Variants in ROBO2 observed in about 807,000 individuals in gnomAD.
ROBO2 encodes the protein roundabout guidance receptor 2, also known as roundabout homolog 2.
ROBO2 carries 53 observed loss-of-function variants against 160.8 expected under a neutral mutation model. That is an observed-to-expected ratio of 0.33 (90% CI 0.26 to 0.41). The LOEUF is 0.41. ROBO2 is among the 10% of genes least tolerant of loss of function. The pLI, the probability that ROBO2 is intolerant of heterozygous loss-of-function variation, is 1.00. For synonymous variants in ROBO2, 664 were observed against 611.7 expected, an observed-to-expected ratio of 1.09 and a Z score of -1.26; for missense variants, 1,577 against 1,722.4, an observed-to-expected ratio of 0.92 and a Z score of 1.49.
At chr3:76,927,571 A>G (rs932753033) in intron 2 of ROBO2, among the ~76,000 whole-genome samples, 2 of 152,202 alleles carry the variant, frequency 1.3e-5, no homozygotes, top group African/African-American at 4.8e-5. Flanking sequence ...GGAAAGAAAT[A>G]CCATTTTATA....
chr3:76,370,230 A>G (rs2076038105), intron 2 of ROBO2, among the ~76,000 whole-genome samples: 1 of 151,864 alleles, frequency 6.6e-6, no homozygotes, highest in Non-Finnish European at 1.5e-5. Flanking sequence ...AAGATAATGC[A>G]TTGTGGGCCA....
At chr3:77,380,514 CA>C (rs1165732237) in intron 2 of ROBO2, among the ~76,000 whole-genome samples, 1 of 152,088 alleles carries the variant, frequency 6.6e-6, no homozygotes, top group Non-Finnish European at 1.5e-5. Context: ...GAATGAAAAT[CA>C]ATGAGTAACA....
chr3:76,369,445 C>A (rs2075992812), intron 2 of ROBO2, among the ~76,000 whole-genome samples: 2 of 151,908 alleles, frequency 1.3e-5, no homozygotes, highest in African/African-American at 4.8e-5. Flanking sequence ...CATCTTTGTT[C>A]ACACTTATAA....
intron 2 of ROBO2, among the ~76,000 whole-genome samples, chr3:77,421,381 T>G (rs1581806524): frequency 6.6e-6 from 1 of 151,964 alleles, no homozygotes; most frequent in South Asian, 2.1e-4. Context: ...GTGTATAACA[T>G]TTTTTTTCTA....
At chr3:76,269,877 T>C (rs999178656) in intron 2 of ROBO2, among the ~76,000 whole-genome samples, 9 of 152,058 alleles carry the variant, frequency 5.9e-5, no homozygotes, top group African/African-American at 9.7e-5. Flanking sequence ...GTAGGTTCTA[T>C]AGAAAAGGAT....
intron 2 of ROBO2, among the ~76,000 whole-genome samples, chr3:76,601,204 T>C (rs1330826366): frequency 6.6e-6 from 1 of 152,172 alleles, no homozygotes; most frequent in Non-Finnish European, 1.5e-5. Flanking sequence ...TTTCACAGGC[T>C]GGTGTTGAGT....
intron 2 of ROBO2, among the ~76,000 whole-genome samples, chr3:76,822,202 T>C (rs960305656): frequency 1.3e-5 from 2 of 152,064 alleles, no homozygotes; most frequent in Admixed American, 6.6e-5. Context: ...TTGTTACTTA[T>C]TTAATGTCTG....
In ROBO2 at chr3:77,298,070, G is replaced by A. The variant is rs146984551; in HGVS notation, c.389-179344G>A. Among the ~76,000 whole-genome samples the A allele has an allele frequency of 6.3e-3, 953 of 152,284 alleles. 16 individuals are homozygous for A. Among genetic ancestry groups the A allele is most frequent in the African/African-American group, 0.022 (915 of 41,558 alleles). On this transcript the variant is annotated intron_variant, in intron 2 of 25. Transcript: ENST00000461745. ...GCAAATCCTCCTCAGCCAACAATGA[G>A]TGTCATTGGATCCATCAAAGGATTC... is the stretch of plus-strand genomic sequence containing the variant.
At chr3:77,411,740 G>A (rs1479121878) in intron 2 of ROBO2, among the ~76,000 whole-genome samples, 1 of 152,178 alleles carries the variant, frequency 6.6e-6, no homozygotes, top group African/African-American at 2.4e-5. Context: ...TGGAAGGACG[G>A]ACATAAAAGA....
At chr3:76,670,235 G>A (rs6781756) in intron 2 of ROBO2, among the ~76,000 whole-genome samples, 120,268 of 151,790 alleles carry the variant, frequency 0.79, 47,836 homozygotes, top group South Asian at 0.92. Context: ...TAAGAGTTCT[G>A]TGTATTTTAG....
intron 2 of ROBO2, among the ~76,000 whole-genome samples, chr3:76,803,037 C>G (rs754607441): frequency 6.6e-6 from 1 of 152,080 alleles, no homozygotes; most frequent in Non-Finnish European, 1.5e-5. Flanking sequence ...TTTTTGATCT[C>G]ATTACATTAA....
At chr3:76,337,332 C>T (rs550111949) in intron 2 of ROBO2, among the ~76,000 whole-genome samples, 20 of 152,084 alleles carry the variant, frequency 1.3e-4, no homozygotes, top group Admixed American at 2.6e-4. Context: ...TACGTAAACA[C>T]TATTGGTATT....
intron 2 of ROBO2, among the ~76,000 whole-genome samples, chr3:76,718,626 A>G (rs1270388531): frequency 1.3e-5 from 2 of 152,186 alleles, no homozygotes; most frequent in Non-Finnish European, 2.9e-5. Flanking sequence ...GTGATTATAA[A>G]TAGTCACAGG....
chr3:77,601,030 T>G (rs1456519394), intron 19 of ROBO2, among the ~76,000 whole-genome samples: 1 of 152,150 alleles, frequency 6.6e-6, no homozygotes, highest in Non-Finnish European at 1.5e-5. Flanking sequence ...CATAAAGACT[T>G]AAGTTATGCA....
intron 23 of ROBO2, among the ~76,000 whole-genome samples, chr3:77,627,379 A>G (rs2095051015): frequency 2.0e-5 from 3 of 151,888 alleles, no homozygotes; most frequent in Admixed American, 2.0e-4. Flanking sequence ...TCCCAGATTC[A>G]AGAGATTCTC....
intron 2 of ROBO2, among the ~76,000 whole-genome samples, chr3:76,213,607 CTTTAA>C (rs1186305551): frequency 2.6e-5 from 4 of 152,000 alleles, no homozygotes; most frequent in African/African-American, 4.8e-5. Flanking sequence ...TAAGAGATTT[CTTTAA>C]TTTATAGAAC....
At chr3:76,088,189 C>T (rs762955809) in intron 2 of ROBO2, among the ~76,000 whole-genome samples, 4 of 152,090 alleles carry the variant, frequency 2.6e-5, no homozygotes, top group African/African-American at 7.2e-5. Context: ...ATCCTTAGTG[C>T]GTATGCACCT....
chr3:76,151,459 T>A (rs2072196087), intron 2 of ROBO2, among the ~76,000 whole-genome samples: 1 of 152,192 alleles, frequency 6.6e-6, no homozygotes, highest in African/African-American at 2.4e-5. Flanking sequence ...AGAATGCTCT[T>A]TTTATATGAT....
At chr3:76,534,085 G>T (rs2082367030) in intron 2 of ROBO2, among the ~76,000 whole-genome samples, 1 of 152,152 alleles carries the variant, frequency 6.6e-6, no homozygotes, top group African/African-American at 2.4e-5. Flanking sequence ...TATAAGAAAA[G>T]ATAAAGAATA....
Sources: gnomAD v4.1 joint callset for allele counts (sites outside exome capture counted in the v4.1 genomes callset) on GRCh38, gnomAD v4.1.1 for gene constraint, MANE v1.5 for transcripts, NCBI Gene and HGNC (gene_info 2026-07-23, HGNC 2026-07-21) for gene names.